ZBTB16: variants seen among roughly 807,000 people sequenced by gnomAD.
ZBTB16 encodes zinc finger and BTB domain-containing protein 16.
Under a neutral mutation model 56.8 loss-of-function variants are expected in ZBTB16, and 8 were observed. The ratio of observed to expected loss-of-function variants is 0.14; its 90% CI spans 0.08 to 0.25. The LOEUF is 0.25. ZBTB16 is among the 10% of genes least tolerant of loss of function. The pLI, the probability that ZBTB16 is intolerant of heterozygous loss-of-function variation, is 1.00. For synonymous variants in ZBTB16, 363 were observed against 368.5 expected (o/e 0.98, Z 0.17); for missense variants, 625 against 903.0 (o/e 0.69, Z 3.95).
chr11:114,233,066 T>TGCGCGC (rs71063553), intron 4 of ZBTB16, among the ~76,000 whole-genome samples: 353 of 94,266 alleles, frequency 3.7e-3, no homozygotes, highest in African/African-American at 9.9e-3. Flanking sequence ...CACATACGCA[T>TGCGCGC]GCGCGCGCGC....
intron 2 of ZBTB16, among the ~76,000 whole-genome samples, chr11:114,090,232 A>G (rs12276941): frequency 0.015 from 2,251 of 152,188 alleles, 57 homozygotes; most frequent in East Asian, 0.093. Context: ...GAGGGGTCTT[A>G]CCTCAGCTAA....
At chr11:114,144,212 A>T (rs11214876) in intron 2 of ZBTB16, among the ~76,000 whole-genome samples, 164 of 145,440 alleles carry the variant, frequency 1.1e-3, no homozygotes, top group Non-Finnish European at 1.9e-3. Context: ...ACACACACAC[A>T]CTCCCACGCA....
chr11:114,167,232 G>GTTTTTTTTTT lies in ZBTB16; in HGVS notation c.1366+10810_1366+10819dup, dbSNP rs58946694. 3.9e-4 allele frequency among the ~76,000 whole-genome samples: 35 copies of GTTTTTTTTTT among 88,708 alleles called. 3 individuals carry two copies. Among genetic ancestry groups the GTTTTTTTTTT allele is most frequent in the African/African-American group, 8.4e-4 (14 of 16,626 alleles). 58.2% of individuals were successfully genotyped at this position (88,708 alleles called of 152,430 possible). A position where few individuals can be genotyped will look rare whatever the true frequency, so the allele number is the denominator to read the frequency against. Reference sequence around the variant, plus strand: ...GGATTTGTGGTTTTTTTTTTTTTTGGTTTTTTTTTTTTTTTTTTTTTGACA... The same window carrying GTTTTTTTTTT: ...GGATTTGTGGTTTTTTTTTTTTTTGGTTTTTTTTTTTTTTTTTTTTTTTTTTTTTTTGACA... On this transcript the variant is annotated intron_variant, in intron 3 of 6. Transcript: ENST00000335953.
intron 4 of ZBTB16, among the ~76,000 whole-genome samples, chr11:114,233,749 T>C (rs1944505146): frequency 6.6e-6 from 1 of 152,076 alleles, no homozygotes; most frequent in African/African-American, 2.4e-5. Flanking sequence ...ATTGTGCAGG[T>C]CTCAATAAAT....
intron 4 of ZBTB16, among the ~76,000 whole-genome samples, chr11:114,198,565 CT>C (rs1165060659): frequency 6.6e-6 from 1 of 152,072 alleles, no homozygotes; most frequent in Admixed American, 6.5e-5. Flanking sequence ...CCCCGATACT[CT>C]TTTTTAAATT....
chr11:114,245,898 C>T (rs975708818), intron 5 of ZBTB16, among the ~76,000 whole-genome samples: 2 of 152,090 alleles, frequency 1.3e-5, no homozygotes, highest in African/African-American at 2.4e-5. Context: ...AGTGACAAGA[C>T]GAATCAGCGA....
intron 2 of ZBTB16, among the ~76,000 whole-genome samples, chr11:114,137,568 C>T (rs1941830997): frequency 6.6e-6 from 1 of 152,176 alleles, no homozygotes; most frequent in African/African-American, 2.4e-5. Flanking sequence ...GGCCATGACA[C>T]TTCCAAATCC....
chr11:114,116,108 G>A (rs1018683511), intron 2 of ZBTB16, among the ~76,000 whole-genome samples: 2 of 152,130 alleles, frequency 1.3e-5, no homozygotes, highest in African/African-American at 4.8e-5. Flanking sequence ...CTGAAATTGG[G>A]GGCAGAAAGC....
chr11:114,153,998 T>G (rs1308253975), intron 2 of ZBTB16, among the ~76,000 whole-genome samples: 1 of 152,196 alleles, frequency 6.6e-6, no homozygotes, highest in African/African-American at 2.4e-5. Context: ...GCCTGTCATC[T>G]TTCACACCAA....
chr11:114,102,650 AGG>A (rs1940655133), intron 2 of ZBTB16, among the ~76,000 whole-genome samples: 1 of 151,372 alleles, frequency 6.6e-6, no homozygotes, highest in Non-Finnish European at 1.5e-5. Flanking sequence ...ATGTAGTAAG[AGG>A]GGTGCTTTTT....
intron 4 of ZBTB16, among the ~76,000 whole-genome samples, chr11:114,240,274 C>T (rs1053158934): frequency 2.0e-5 from 3 of 152,150 alleles, no homozygotes; most frequent in Non-Finnish European, 4.4e-5. Context: ...CCATCCTAAC[C>T]CAGCCATGAG....
intron 2 of ZBTB16, among the ~76,000 whole-genome samples, chr11:114,071,439 T>C (rs1939345686): frequency 6.6e-6 from 1 of 152,186 alleles, no homozygotes; most frequent in South Asian, 2.1e-4. Context: ...CGCTAATTGC[T>C]GGGAGGGAGA....
In ZBTB16 at chr11:114,116,878, C is replaced by T. The variant is rs567421147; in HGVS notation, c.1269-39459C>T. 1.8e-4 allele frequency among the ~76,000 whole-genome samples: 27 copies of T among 152,250 alleles called. 1 individual carries two copies. The South Asian group carries it at 4.8e-3, about 27-fold the overall frequency. On this transcript the variant is annotated intron_variant, in intron 2 of 6. Transcript: ENST00000335953. ...TACAGAAGTCCAGAAACTTGACCCT[C>T]GTCCCCAAGAATCTAATAAGCTGGT...
At chr11:114,072,375 T>C (rs1333513081) in intron 2 of ZBTB16, among the ~76,000 whole-genome samples, 4 of 152,220 alleles carry the variant, frequency 2.6e-5, no homozygotes, top group Non-Finnish European at 5.9e-5. Context: ...AGCGCTCCAC[T>C]GCCATCGGGT....
chr11:114,209,599 G>T (rs1943955624), intron 4 of ZBTB16: 1 of 985,304 alleles, frequency 1.0e-6, no homozygotes, highest in South Asian at 4.7e-5. Flanking sequence ...CAAGGCAACT[G>T]CCTCCCTGGG....
At chr11:114,234,835 G>C (rs1368200763) in intron 4 of ZBTB16, among the ~76,000 whole-genome samples, 1 of 152,178 alleles carries the variant, frequency 6.6e-6, no homozygotes, top group Admixed American at 6.5e-5. Context: ...TTTCTCTCTT[G>C]CCGAGTGGAT....
At chr11:114,162,132 C>G (rs1465055860) in intron 3 of ZBTB16, among the ~76,000 whole-genome samples, 2 of 152,218 alleles carry the variant, frequency 1.3e-5, no homozygotes, top group Non-Finnish European at 2.9e-5. Flanking sequence ...CATGGAGTGG[C>G]TGGGGCTTAT....
intron 3 of ZBTB16, among the ~76,000 whole-genome samples, chr11:114,181,125 T>C (rs527392463): frequency 6.6e-6 from 1 of 152,346 alleles, no homozygotes; most frequent in Non-Finnish European, 1.5e-5. Flanking sequence ...TTACACAAGA[T>C]AAATGGCCCC....
intron 2 of ZBTB16, among the ~76,000 whole-genome samples, chr11:114,148,915 T>G (rs1942215420): frequency 6.6e-6 from 1 of 151,290 alleles, no homozygotes; most frequent in Admixed American, 6.6e-5. Flanking sequence ...CGCATGTGTG[T>G]GTAGACAAGG....
Sources: allele counts gnomAD v4.1 joint callset (sites outside exome capture counted in the v4.1 genomes callset), GRCh38; gene constraint gnomAD v4.1.1; transcripts MANE v1.5; gene names NCBI Gene and HGNC (gene_info 2026-07-23, HGNC 2026-07-21).